The following DIAPH1 variants were observed in gnomAD, a reference collection of about 807,000 sequenced individuals.
DIAPH1 encodes the protein protein diaphanous homolog 1.
A neutral mutation model predicts 140.7 loss-of-function variants in DIAPH1; 46 were observed. The ratio of observed to expected loss-of-function variants is 0.33; its 90% CI spans 0.26 to 0.42. The LOEUF (loss-of-function observed/expected upper bound fraction) is 0.42. DIAPH1 is among the 10% of genes least tolerant of loss of function. DIAPH1 has a pLI of 1.00. For synonymous variants in DIAPH1, 565 were observed against 551.6 expected, an observed-to-expected ratio of 1.02 and a Z score of -0.34; for missense variants, 1,310 against 1,558.7, an observed-to-expected ratio of 0.84 and a Z score of 2.69.
chr5:141,565,373 TTA>T lies in DIAPH1; in HGVS notation c.2482+6053_2482+6054del, dbSNP rs1256214651. 1 of 152,220 alleles carries T rather than the reference TTA, an allele frequency of 6.6e-6. No homozygotes were observed. The highest frequency in any genetic ancestry group is 1.5e-5 in the Non-Finnish European group (1 of 68,034). The allele number at this position is 152,220 out of a possible 1,614,324, so 9.4% of individuals were successfully genotyped here. A position where few individuals can be genotyped will look rare whatever the true frequency, so the allele number is the denominator to read the frequency against. On this transcript the variant is annotated intron_variant, in intron 18 of 27. Transcript: ENST00000389054. This position sits in a 1 kb window ranked among gnomAD's most constrained non-coding sequence, Gnocchi z 4.3. ...AGAAGAAAAGGATTTTCCCATTCCT[TTA>T]TTAGAATAACATATGTATATAAAAA...
Position 141,573,507 on chromosome 5 carries a change from C to T in DIAPH1, c.2343G>A (p.Arg781=). ...KLYKPEVQLR[R]PNWSKLVAED... ...AAACTCTTACCTTGGACCAGTTTGG[C>T]CTCCGGAGCTGCACCTCTGGCTTAT... The change falls in exon 16 of 28, where the codon AGG becomes AGA. Residue 781 remains arginine (R), a synonymous_variant. Coordinates refer to ENST00000389054, the MANE Select transcript of DIAPH1 (RefSeq NM_005219.5). The T allele has an allele frequency of 6.2e-7, 1 of 1,611,554 alleles. No homozygotes were observed. Among genetic ancestry groups the T allele is most frequent in the Middle Eastern group, 1.7e-4 (1 of 5,900 alleles).
At position 141,594,255 on chromosome 5, in the gene DIAPH1, T is replaced by C. The variant is rs547980048; in HGVS notation, c.118-6005A>G. Among the ~76,000 whole-genome samples the C allele has an allele frequency of 7.2e-4, 109 of 152,322 alleles. No homozygotes were observed. The South Asian group carries it at 8.5e-3, about 12-fold the overall frequency. On this transcript the variant is annotated intron_variant, in intron 1 of 27. Transcript: ENST00000389054. ...TATCCAAAGGAAGTGAAAACGTATG[T>C]CCACACCAAAAACCTGCAGAGAAAT...
At chr5:141,572,575 G>A (rs2099895345) in intron 16 of DIAPH1, among the ~76,000 whole-genome samples, 1 of 152,134 alleles carries the variant, frequency 6.6e-6, no homozygotes. Context: ...GCCAAGGTGG[G>A]CGGATCACAA....
At chr5:141,589,918 C>CT (rs998895903) in intron 1 of DIAPH1, among the ~76,000 whole-genome samples, 156 of 145,038 alleles carry the variant, frequency 1.1e-3, no homozygotes, top group East Asian at 2.8e-3. Context: ...TATAGTAAAT[C>CT]TTTTTTTTTT....
At chr5:141,568,668 G>A (rs918392342) in intron 18 of DIAPH1, among the ~76,000 whole-genome samples, 1 of 152,144 alleles carries the variant, frequency 6.6e-6, no homozygotes, top group Non-Finnish European at 1.5e-5. Flanking sequence ...CACTACAGGA[G>A]GCAAATGTGC....
chr5:141,559,295 A>G (rs975426514), intron 18 of DIAPH1, among the ~76,000 whole-genome samples: 1 of 152,240 alleles, frequency 6.6e-6, no homozygotes, highest in Admixed American at 6.5e-5. Flanking sequence ...GGTATACATT[A>G]TAGAAGGAAA....
At chr5:141,538,055 C>CTGTTTTTT (rs1218619984) in intron 18 of DIAPH1, among the ~76,000 whole-genome samples, 1 of 141,104 alleles carries the variant, frequency 7.1e-6, no homozygotes, top group Non-Finnish European at 1.5e-5. Flanking sequence ...CCATGCCTGG[C>CTGTTTTTT]TGTTTTTTTG....
intron 18 of DIAPH1, among the ~76,000 whole-genome samples, chr5:141,542,414 C>T (rs904879190): frequency 6.7e-6 from 1 of 149,022 alleles, no homozygotes; most frequent in Non-Finnish European, 1.5e-5. Flanking sequence ...GACTGGGCAA[C>T]AGAGTGGGAC....
chr5:141,553,378 G>A (rs2099892048), intron 18 of DIAPH1, among the ~76,000 whole-genome samples: 2 of 151,652 alleles, frequency 1.3e-5, no homozygotes, highest in Admixed American at 6.6e-5. Context: ...GGTGGCTCAC[G>A]CCTGTAATCC....
intron 18 of DIAPH1, among the ~76,000 whole-genome samples, chr5:141,559,045 T>C (rs1313470689): frequency 6.6e-6 from 1 of 152,056 alleles, no homozygotes; most frequent in East Asian, 1.9e-4. Flanking sequence ...CTCCAGGAAA[T>C]AACTTTCTGT....
intron 18 of DIAPH1, among the ~76,000 whole-genome samples, chr5:141,544,127 G>A (rs1446439761): frequency 3.3e-5 from 5 of 151,978 alleles, no homozygotes; most frequent in African/African-American, 7.3e-5. Context: ...TGGCTAACAC[G>A]GTGAAACCCT....
intron 1 of DIAPH1, among the ~76,000 whole-genome samples, chr5:141,614,802 G>T (rs1437856004): frequency 7.9e-6 from 1 of 125,936 alleles, no homozygotes. Flanking sequence ...TAATCCTTGC[G>T]TTCATCATCT....
chr5:141,597,545 G>T (rs374572663), intron 1 of DIAPH1, among the ~76,000 whole-genome samples: 1 of 152,204 alleles, frequency 6.6e-6, no homozygotes, highest in African/African-American at 2.4e-5. Flanking sequence ...CCAAAAAAGT[G>T]CAAGACTTGA....
At chr5:141,553,930 A>G (rs980246415) in intron 18 of DIAPH1, among the ~76,000 whole-genome samples, 2 of 152,164 alleles carry the variant, frequency 1.3e-5, no homozygotes, top group Non-Finnish European at 2.9e-5. Flanking sequence ...AGTAACTAAC[A>G]TCAGGAACAA....
At position 141,574,985 on chromosome 5, in the gene DIAPH1, C is replaced by T; in HGVS notation, c.1623G>A (p.Val541=). 1 of 1,614,176 alleles carries T rather than the reference C, an allele frequency of 6.2e-7. No individual in the cohort carries two copies. The highest frequency in any genetic ancestry group is 8.5e-7 in the Non-Finnish European group (1 of 1,180,028). Residue 541 remains valine (V), a synonymous_variant, in exon 15 of 28, where the codon GTG becomes GTA. Transcript: ENST00000389054. ...GCATTACCTCTCCTGTGAGCTGGGA[C>T]ACCTCTGCTTCCAGGTCCTGTTTCT... The part of the protein sequence containing the change: ...ATEKQDLEAE[V]SQLTGEVAKL...
intron 9 of DIAPH1, among the ~76,000 whole-genome samples, chr5:141,578,836 T>C (rs1442646110): frequency 1.3e-5 from 2 of 152,222 alleles, no homozygotes; most frequent in Non-Finnish European, 2.9e-5. Context: ...TTTGAGAGTA[T>C]ATGTTATTGT....
chr5:141,517,458 TG>T (rs1239784340), intron 27 of DIAPH1, among the ~76,000 whole-genome samples: 1 of 152,220 alleles, frequency 6.6e-6, no homozygotes, highest in East Asian at 1.9e-4. Flanking sequence ...CAGTCAGCCC[TG>T]GGAGGGTTGT....
In DIAPH1 at chr5:141,578,659, C is replaced by T. The variant is rs756334582; in HGVS notation, c.934-34G>A. The T allele has an allele frequency of 3.3e-6, 5 of 1,498,932 alleles. No homozygotes were observed. In the South Asian group the frequency reaches 3.4e-5, roughly 10 times the overall value. The allele number at this position is 1,498,932 out of a possible 1,614,324, so 92.9% of individuals were successfully genotyped here. ...AGAAAATTCAGCAGCTATGTCAATG[C>T]TAACTCCTGGAGATCAAGAATCCAT... On this transcript the variant is annotated intron_variant, in intron 9 of 27. Transcript: ENST00000389054.
chr5:141,615,570 T>C (rs1253044102), intron 1 of DIAPH1, among the ~76,000 whole-genome samples: 1 of 151,084 alleles, frequency 6.6e-6, no homozygotes, highest in Non-Finnish European at 1.5e-5. Flanking sequence ...TGAAACCCCG[T>C]CTCTACTAAA....
Sources: gnomAD v4.1 joint callset for allele counts (sites outside exome capture counted in the v4.1 genomes callset) on GRCh38, gnomAD v4.1.1 for gene constraint, Gnocchi (gnomAD v3.1) non-coding constraint, MANE v1.5 for transcripts, NCBI Gene and HGNC (gene_info 2026-07-23, HGNC 2026-07-21) for gene names.